Variants in CADM2 observed in about 807,000 individuals in gnomAD.
The protein encoded by CADM2 is cell adhesion molecule 2.
CADM2 carries 12 observed loss-of-function variants against 49.8 expected under a neutral mutation model. The observed-to-expected ratio is 0.24, with a 90% CI of 0.15 to 0.39. The LOEUF (loss-of-function observed/expected upper bound fraction) is 0.39, where lower values mean the gene tolerates loss of function less well. Ranked by LOEUF, CADM2 falls within the 10% of genes least tolerant of loss-of-function variation. The pLI, the probability that CADM2 is intolerant of heterozygous loss-of-function variation, is 1.00. For missense variants in CADM2, 378 were observed against 492.3 expected, an observed-to-expected ratio of 0.77 and a Z score of 2.20; for synonymous variants, 214 against 175.4, an observed-to-expected ratio of 1.22 and a Z score of -1.74.
chr3:85,795,910 A>G (rs1450021139), intron 2 of CADM2, among the ~76,000 whole-genome samples: 1 of 152,206 alleles, frequency 6.6e-6, no homozygotes, highest in Non-Finnish European at 1.5e-5. Context: ...AACAAACTCC[A>G]AATGGTTCAT....
At chr3:85,776,720 T>C (rs1468945866) in intron 2 of CADM2, among the ~76,000 whole-genome samples, 3 of 152,180 alleles carry the variant, frequency 2.0e-5, no homozygotes, top group African/African-American at 7.2e-5. Context: ...ATATAAGTGT[T>C]AAGGCATTTT....
At chr3:85,896,580 T>C (rs1282760080) in intron 5 of CADM2, among the ~76,000 whole-genome samples, 2 of 152,202 alleles carry the variant, frequency 1.3e-5, no homozygotes, top group African/African-American at 4.8e-5. Context: ...AGTGGGTCAC[T>C]GAAGTTTGCC....
At chr3:85,852,905 G>A (rs931068562) in intron 3 of CADM2, among the ~76,000 whole-genome samples, 1 of 151,970 alleles carries the variant, frequency 6.6e-6, no homozygotes, top group African/African-American at 2.4e-5. Context: ...ATTTTCTGCT[G>A]AATCAATTAA....
At chr3:85,703,200 G>T (rs1025877893) in intron 1 of CADM2, among the ~76,000 whole-genome samples, 1 of 152,066 alleles carries the variant, frequency 6.6e-6, no homozygotes, top group African/African-American at 2.4e-5. Flanking sequence ...AAGGTCACAA[G>T]AAACTTTTGT....
At chr3:85,426,497 T>C (rs35894540) in intron 1 of CADM2, among the ~76,000 whole-genome samples, 76,213 of 151,912 alleles carry the variant, frequency 0.5, 22,271 homozygotes, top group East Asian at 0.83. Flanking sequence ...AAATAACTTT[T>C]GTGGGTACAC....
chr3:85,552,672 G>T (rs373480331), intron 1 of CADM2, among the ~76,000 whole-genome samples: 1 of 141,184 alleles, frequency 7.1e-6, no homozygotes, highest in Non-Finnish European at 1.5e-5. Flanking sequence ...GAGCCAATGC[G>T]CCCGGCCCTT....
chr3:85,522,914 T>A (rs777435952), intron 1 of CADM2, among the ~76,000 whole-genome samples: 40 of 145,320 alleles, frequency 2.8e-4, no homozygotes, highest in Non-Finnish European at 5.5e-4. Context: ...GTATGAGAAA[T>A]GAAAGAAACA....
At chr3:85,527,817 T>G (rs1003050067) in intron 1 of CADM2, among the ~76,000 whole-genome samples, 3 of 152,222 alleles carry the variant, frequency 2.0e-5, no homozygotes, top group Non-Finnish European at 2.9e-5. Flanking sequence ...TTTAAAATGC[T>G]TTGCATTAAC....
At chr3:85,777,244 AATTATTATT>A (rs71112117) in intron 2 of CADM2, among the ~76,000 whole-genome samples, 1 of 148,722 alleles carries the variant, frequency 6.7e-6, no homozygotes, top group African/African-American at 2.5e-5. Flanking sequence ...GTTTTTAAAA[AATTATTATT>A]ATTATTATTA....
At chr3:85,365,837 T>C (rs1208597466) in intron 1 of CADM2, among the ~76,000 whole-genome samples, 1 of 152,214 alleles carries the variant, frequency 6.6e-6, no homozygotes, top group Non-Finnish European at 1.5e-5. Context: ...ATTCCTATAA[T>C]TGAAATTATC....
chr3:85,496,129 C>T (rs1464473831), intron 1 of CADM2, among the ~76,000 whole-genome samples: 1 of 152,106 alleles, frequency 6.6e-6, no homozygotes, highest in Admixed American at 6.6e-5. Context: ...GAGGTTTGGG[C>T]TTCTATTGAT....
rs74891132 is a variant in CADM2 at position 85,282,596 on chromosome 3, C to A, written c.61+322928C>A. ...CATCAAATATATTTTTACCTTTAAA[C>A]TGAAACTTATATAGATTTCGAGAGA... On this transcript the variant is annotated intron_variant, in intron 1 of 9. Transcript: ENST00000383699. 4.7e-3 allele frequency among the ~76,000 whole-genome samples: 715 copies of A among 151,920 alleles called. 4 individuals are homozygous for A. Among genetic ancestry groups the A allele is most frequent in the Middle Eastern group, 0.027 (8 of 294 alleles).
chr3:86,034,616 T>G (rs1174325029), intron 8 of CADM2, among the ~76,000 whole-genome samples: 1 of 152,076 alleles, frequency 6.6e-6, no homozygotes, highest in African/African-American at 2.4e-5. Context: ...CGTGTACTGA[T>G]TACATTAAAC....
At chr3:84,970,439 A>C (rs1366103245) in intron 1 of CADM2, among the ~76,000 whole-genome samples, 2 of 147,776 alleles carry the variant, frequency 1.4e-5, no homozygotes, top group African/African-American at 5.0e-5. Flanking sequence ...TACTTTTTCT[A>C]AAAAGTCCCA....
intron 1 of CADM2, among the ~76,000 whole-genome samples, chr3:85,286,478 G>A (rs573540864): frequency 2.1e-4 from 32 of 152,222 alleles, no homozygotes; most frequent in Middle Eastern, 3.4e-3. Context: ...TTTGGCAAGT[G>A]ACATTTGGAG....
At chr3:85,345,957 G>C (rs1046679561) in intron 1 of CADM2, among the ~76,000 whole-genome samples, 1 of 152,090 alleles carries the variant, frequency 6.6e-6, no homozygotes, top group Non-Finnish European at 1.5e-5. Flanking sequence ...ATATTCAGAA[G>C]GAAATTTATA....
intron 1 of CADM2, among the ~76,000 whole-genome samples, chr3:85,440,314 C>T (rs930957829): frequency 6.6e-6 from 1 of 152,166 alleles, no homozygotes; most frequent in Admixed American, 6.6e-5. Flanking sequence ...ATTCTTCAGC[C>T]TCTCATTTCC....
At chr3:85,126,350 T>C (rs1274149406) in intron 1 of CADM2, among the ~76,000 whole-genome samples, 2 of 152,064 alleles carry the variant, frequency 1.3e-5, no homozygotes, top group African/African-American at 4.8e-5. Flanking sequence ...CTCACATACA[T>C]ATGGGTGGAG....
At chr3:86,027,749 A>G (rs1734068527) in intron 8 of CADM2, 1 of 152,148 alleles carries the variant, frequency 6.6e-6, no homozygotes, top group South Asian at 2.1e-4. Flanking sequence ...ATATGGTTTC[A>G]ATAACTTTTC....
Sources: gnomAD v4.1 joint callset for allele counts (sites outside exome capture counted in the v4.1 genomes callset) on GRCh38, gnomAD v4.1.1 for gene constraint, MANE v1.5 for transcripts, NCBI Gene and HGNC (gene_info 2026-07-23, HGNC 2026-07-21) for gene names.